PRRC2C: variants seen among roughly 807,000 people sequenced by gnomAD.
PRRC2C encodes protein PRRC2C.
A neutral mutation model predicts 317.2 loss-of-function variants in PRRC2C; 72 were observed. The observed-to-expected ratio is 0.23, with a 90% CI of 0.19 to 0.28. The LOEUF (loss-of-function observed/expected upper bound fraction) is 0.28. Ranked by LOEUF, PRRC2C falls within the 10% of genes least tolerant of loss-of-function variation. The pLI is 1.00. For missense variants in PRRC2C, 3,074 were observed against 3,459.7 expected, an observed-to-expected ratio of 0.89 and a Z score of 2.80; for synonymous variants, 1,296 against 1,205.9, an observed-to-expected ratio of 1.07 and a Z score of -1.55.
In PRRC2C at chr1:171,498,551, A is replaced by C. The variant is rs551920000; in HGVS notation, c.-58+12816A>C. ...AATTTGGAAGAAACATAGGCATTCAAACCATTTTCTTTCACTGTCTGGATT... is the reference window on the plus strand; with the variant it reads ...AATTTGGAAGAAACATAGGCATTCACACCATTTTCTTTCACTGTCTGGATT... On this transcript the variant is annotated intron_variant, in intron 1 of 34. Transcript: ENST00000647382. Among the ~76,000 whole-genome samples, 312 of 152,324 alleles carry C rather than the reference A, an allele frequency of 2.0e-3. 10 individuals carry two copies. In the South Asian group the frequency reaches 0.063, roughly 31 times the overall value.
chr1:171,509,164 C>T (rs1437023021), intron 1 of PRRC2C, among the ~76,000 whole-genome samples: 1 of 152,214 alleles, frequency 6.6e-6, no homozygotes, highest in African/African-American at 2.4e-5. Context: ...GGATTACAGG[C>T]CAAAGCCACC....
At chr1:171,530,390 T>C (rs1675588689) in intron 11 of PRRC2C, among the ~76,000 whole-genome samples, 1 of 151,518 alleles carries the variant, frequency 6.6e-6, no homozygotes, top group African/African-American at 2.4e-5. Context: ...ACCACAGGCA[T>C]GTGCCTCTAT....
chr1:171,547,340 A>G (rs199821270), intron 17 of PRRC2C, among the ~76,000 whole-genome samples: 1 of 152,198 alleles, frequency 6.6e-6, no homozygotes, highest in Non-Finnish European at 1.5e-5. Flanking sequence ...TAAATGCTAC[A>G]TGTAGTTGGG....
At chr1:171,568,986 A>G (rs561207429) in intron 23 of PRRC2C, among the ~76,000 whole-genome samples, 1 of 152,330 alleles carries the variant, frequency 6.6e-6, no homozygotes, top group Non-Finnish European at 1.5e-5. Context: ...AAAAGTCTGT[A>G]CAGTTCATCA....
At position 171,592,572 on chromosome 1, in the gene PRRC2C, T is replaced by C. The variant is rs1324782232; in HGVS notation, c.*725T>C. 1 of 152,302 alleles carries C rather than the reference T, an allele frequency of 6.6e-6. No individual in the cohort carries two copies. Among genetic ancestry groups the C allele is most frequent in the Non-Finnish European group, 1.5e-5 (1 of 68,072 alleles). 9.4% of individuals were successfully genotyped at this position (152,302 alleles called of 1,614,324 possible). A position where few individuals can be genotyped will look rare whatever the true frequency, so the allele number is the denominator to read the frequency against. ...GTTGTGGTCTGAAGCTTTGAAGCGC[T>C]ACTTAGCATCTCCTTTCTTCCATGG... is the stretch of plus-strand genomic sequence containing the variant. On this transcript the variant is annotated 3_prime_UTR_variant, in exon 35 of 35. Coordinates refer to ENST00000647382, the MANE Select transcript of PRRC2C (RefSeq NM_001387844.1).
At chr1:171,554,739 A>G (rs1332523951) in intron 18 of PRRC2C, among the ~76,000 whole-genome samples, 3 of 152,228 alleles carry the variant, frequency 2.0e-5, no homozygotes, top group African/African-American at 4.8e-5. Context: ...TTGGCTGCAT[A>G]TGAAATTCTG....
chr1:171,511,840 A>G, intron 1 of PRRC2C, 192 bp from the exon 2 acceptor site: 1 of 315,406 alleles, frequency 3.2e-6, no homozygotes. Flanking sequence ...ATAACCATAT[A>G]TAACTGATAT....
At position 171,569,357 on chromosome 1, in the gene PRRC2C, A is replaced by G. The variant is rs947782840; in HGVS notation, c.6651+1018A>G. 2.6e-5 allele frequency among the ~76,000 whole-genome samples: 4 copies of G among 151,500 alleles called. No individual in the cohort carries two copies. The East Asian group carries it at 7.8e-4, about 29-fold the overall frequency. On this transcript the variant is annotated intron_variant, in intron 23 of 34. Coordinates refer to ENST00000647382, the MANE Select transcript of PRRC2C (RefSeq NM_001387844.1). ...CTTTCTATTCTTCCCTCTAGCATCA[A>G]GTATATGGAATTTTAGAAAGGTGAG...
At chr1:171,510,630 T>C (rs2102234974) in intron 1 of PRRC2C, 1 of 152,334 alleles carries the variant, frequency 6.6e-6, no homozygotes, top group African/African-American at 2.4e-5. Flanking sequence ...TATACATTCT[T>C]CTACATATAG....
intron 23 of PRRC2C, 46 bp from the exon 24 acceptor site, chr1:171,571,274 A>G: frequency 1.7e-6 from 2 of 1,148,090 alleles, no homozygotes; most frequent in Non-Finnish European, 2.6e-6. Flanking sequence ...GGGCTTTCGT[A>G]GTAGACACAT....
chr1:171,570,624 T>G (rs1374729355), intron 23 of PRRC2C, among the ~76,000 whole-genome samples: 1 of 152,184 alleles, frequency 6.6e-6, no homozygotes, highest in Non-Finnish European at 1.5e-5. Flanking sequence ...GATCCAGAGA[T>G]AAAGGCAGTG....
At chr1:171,487,611 G>A (rs2207194) in intron 1 of PRRC2C, among the ~76,000 whole-genome samples, 96,735 of 151,920 alleles carry the variant, frequency 0.64, 30,885 homozygotes, top group East Asian at 0.81. Context: ...AAATTTAGGC[G>A]TCTGATCTAT....
chr1:171,537,349 T>C lies in PRRC2C; in HGVS notation c.2380T>C (p.Ser794Pro). The stretch of plus-strand genomic sequence containing the variant: ...TGAGTCATTTGAGCATATAGCTCGA[T>C]CTGCAAGAGATCACGCAATTTCCCT... ...SSESFEHIAR[S>P]ARDHAISLSE... is the part of the protein sequence containing the mutation. Residue 794 changes from serine to proline, a missense_variant, in exon 15 of 35, where the codon TCT (serine) becomes CCT (proline). Physicochemically the swap from Ser to Pro is moderately conservative, Grantham distance 74. Transcript: ENST00000647382. 1 of 1,596,102 alleles carries C rather than the reference T, an allele frequency of 6.3e-7. No homozygotes were observed. Among genetic ancestry groups the C allele is most frequent in the Non-Finnish European group, 8.5e-7 (1 of 1,170,488 alleles).
At chr1:171,526,536 C>T (rs544359488) in intron 10 of PRRC2C, among the ~76,000 whole-genome samples, 1 of 152,236 alleles carries the variant, frequency 6.6e-6, no homozygotes, top group South Asian at 2.1e-4. Context: ...TGGGGTTTCC[C>T]CATGTTGGCC....
At chr1:171,550,266 C>A in intron 18 of PRRC2C, 26 bp downstream of exon 18, 1 of 1,524,118 alleles carries the variant, frequency 6.6e-7, no homozygotes, top group Admixed American at 2.1e-5. Context: ...CAACTTGTTG[C>A]TAGTTATCTA....
intron 1 of PRRC2C, among the ~76,000 whole-genome samples, chr1:171,503,869 A>G (rs538156028): frequency 6.6e-6 from 1 of 152,106 alleles, no homozygotes; most frequent in East Asian, 1.9e-4. Context: ...GCAGCAGACA[A>G]AGAGAGAGAA....
rs1297873625 is a variant in PRRC2C at position 171,527,784 on chromosome 1, A to AT, written c.1201-6dup. 2 of 1,565,038 alleles carry AT rather than the reference A, an allele frequency of 1.3e-6. No individual in the cohort carries two copies. Among genetic ancestry groups the AT allele is most frequent in the Non-Finnish European group, 1.7e-6 (2 of 1,152,760 alleles). ...TAATAAGAATAATTCTTTCTTCTTT[A>AT]TAATAGGAACGTGGAACATCTTCAC... On this transcript the variant is annotated splice_polypyrimidine_tract_variant and splice_region_variant and intron_variant, in intron 10 of 34. Coordinates refer to ENST00000647382, the MANE Select transcript of PRRC2C (RefSeq NM_001387844.1).
intron 1 of PRRC2C, among the ~76,000 whole-genome samples, chr1:171,509,331 T>C (rs1670864574): frequency 6.6e-6 from 1 of 152,106 alleles, no homozygotes; most frequent in South Asian, 2.1e-4. Context: ...AAACAGGCAG[T>C]GTGGGGATAT....
Position 171,532,881 on chromosome 1 carries a change from TAGA to T in PRRC2C, c.1794_1796del (p.Glu600del). The stretch of plus-strand genomic sequence containing the variant: ...GAGCTGGAGAAGGAAAGGGAAAAAT[TAGA>T]GGAGAAAATTGAACCCAGAGAACCT... On this transcript the variant is annotated inframe_deletion, in exon 12 of 35. Transcript: ENST00000647382. 2 of 1,584,142 alleles carry T rather than the reference TAGA, an allele frequency of 1.3e-6. No homozygotes were observed. The highest frequency in any genetic ancestry group is 1.7e-6 in the Non-Finnish European group (2 of 1,173,066).
Sources: gnomAD v4.1 joint callset for allele counts (sites outside exome capture counted in the v4.1 genomes callset) on GRCh38, gnomAD v4.1.1 for gene constraint, MANE v1.5 for transcripts, NCBI Gene and HGNC (gene_info 2026-07-23, HGNC 2026-07-21) for gene names.